TMC2: variants seen among roughly 807,000 people sequenced by gnomAD.
TMC2 encodes transmembrane channel like 2.
A neutral mutation model predicts 105.9 loss-of-function variants in TMC2; 102 were observed. The observed-to-expected ratio is 0.96, with a 90% confidence interval of 0.82 to 1.14. The LOEUF (loss-of-function observed/expected upper bound fraction) is 1.14. TMC2 is among the 50% of genes most tolerant of loss of function. The pLI, the probability that TMC2 is intolerant of heterozygous loss-of-function variation, is 0.00. For synonymous variants in TMC2, 402 were observed against 422.8 expected, an observed-to-expected ratio of 0.95 and a Z score of 0.60; for missense variants, 1,093 against 1,134.3, an observed-to-expected ratio of 0.96 and a Z score of 0.52.
intron 2 of TMC2, among the ~76,000 whole-genome samples, chr20:2,556,867 C>CT (rs2085988261): frequency 8.8e-6 from 1 of 113,472 alleles, no homozygotes; most frequent in African/African-American, 3.5e-5. Context: ...AGAATTCTGT[C>CT]CTTTTTTTTT....
At chr20:2,543,937 C>T (rs1159750851) in intron 2 of TMC2, among the ~76,000 whole-genome samples, 1 of 148,628 alleles carries the variant, frequency 6.7e-6, no homozygotes, top group Non-Finnish European at 1.5e-5. Context: ...GAGTCTCGCT[C>T]TGTCACCCAG....
At position 2,560,575 on chromosome 20, in the gene TMC2, C is replaced by T. The variant is rs183974232; in HGVS notation, c.402-1283C>T. On this transcript the variant is annotated intron_variant, in intron 3 of 19. Coordinates refer to ENST00000358864, the MANE Select transcript of TMC2 (RefSeq NM_080751.3). ...GTCAGAGGCCGGGCGTGGTGGCTCACGCCTGTAATCCCAGCACTTTGGGAG... is the reference window on the plus strand; with the variant it reads ...GTCAGAGGCCGGGCGTGGTGGCTCATGCCTGTAATCCCAGCACTTTGGGAG... Among the ~76,000 whole-genome samples the T allele has an allele frequency of 1.1e-3, 172 of 152,082 alleles. 1 individual carries two copies. Among genetic ancestry groups the T allele is most frequent in the Non-Finnish European group, 4.9e-4 (33 of 67,972 alleles).
chr20:2,580,628 G>C (rs1361240338), intron 7 of TMC2, among the ~76,000 whole-genome samples: 1 of 152,028 alleles, frequency 6.6e-6, no homozygotes, highest in Non-Finnish European at 1.5e-5. Flanking sequence ...TGTTGCCCAG[G>C]TTGGAGGGCA....
chr20:2,540,056 TCTCAG>T (rs201468674), intron 2 of TMC2, among the ~76,000 whole-genome samples: 2,518 of 148,852 alleles, frequency 0.017, 54 homozygotes, highest in African/African-American at 0.057. Context: ...AGTGATGTGA[TCTCAG>T]CTCACTGCAA....
At chr20:2,589,324 G>GTGTGTGTGTGTGTGTGTGTGTGTGTGT (rs71193978) in intron 7 of TMC2, among the ~76,000 whole-genome samples, 14 of 148,946 alleles carry the variant, frequency 9.4e-5, no homozygotes, top group East Asian at 2.0e-4. Flanking sequence ...GTGTGTGTGT[G>GTGTGTGTGTGTGTGTGTGTGTGTGTGT]GAGATGGGGT....
chr20:2,540,995 C>T (rs2085886466), intron 2 of TMC2, among the ~76,000 whole-genome samples: 1 of 152,104 alleles, frequency 6.6e-6, no homozygotes, highest in South Asian at 2.1e-4. Context: ...ACGCCTATGC[C>T]CCAGACTCCC....
intron 8 of TMC2, 30 bp from the exon 9 acceptor site, chr20:2,594,795 C>T: frequency 1.2e-6 from 2 of 1,610,672 alleles, no homozygotes; most frequent in South Asian, 1.1e-5. Flanking sequence ...AGCTTACCAA[C>T]CCAGAGCATT....
intron 9 of TMC2, among the ~76,000 whole-genome samples, 199 bp from the exon 10 acceptor site, chr20:2,596,952 A>T (rs1272668457): frequency 1.3e-5 from 2 of 151,418 alleles, no homozygotes; most frequent in Non-Finnish European, 2.9e-5. Flanking sequence ...CTTTCAGGGG[A>T]CTCTGAATTT....
chr20:2,536,772 G>C (rs974064853), intron 1 of TMC2, 117 bp downstream of exon 1: 1 of 1,159,686 alleles, frequency 8.6e-7, no homozygotes, highest in Admixed American at 2.0e-5. Flanking sequence ...TTTGAGTCCA[G>C]GGCCTGTCCC....
intron 2 of TMC2, among the ~76,000 whole-genome samples, chr20:2,548,672 G>T (rs2085939144): frequency 6.6e-6 from 1 of 151,580 alleles, no homozygotes; most frequent in Non-Finnish European, 1.5e-5. Context: ...AAAGAAATTA[G>T]TTAGGCATCT....
At chr20:2,574,753 T>G (rs1314043197) in intron 5 of TMC2, among the ~76,000 whole-genome samples, 2 of 152,170 alleles carry the variant, frequency 1.3e-5, no homozygotes, top group African/African-American at 4.8e-5. Flanking sequence ...TTTTTGTTTT[T>G]TTTTCTCTGT....
intron 2 of TMC2, among the ~76,000 whole-genome samples, chr20:2,544,196 A>G (rs1274143182): frequency 6.6e-6 from 1 of 151,830 alleles, no homozygotes; most frequent in East Asian, 1.9e-4. Flanking sequence ...GATTACAGGC[A>G]TGAGCCAACG....
At chr20:2,536,806 G>A (rs1193958912) in intron 1 of TMC2, 151 bp downstream of exon 1, 2 of 775,530 alleles carry the variant, frequency 2.6e-6, no homozygotes, top group South Asian at 3.1e-5. Context: ...GACCTCGGCT[G>A]GTTATTCAAC....
chr20:2,548,645 AAAAAAGAAAG>A (rs1016000019), intron 2 of TMC2, among the ~76,000 whole-genome samples: 5 of 152,048 alleles, frequency 3.3e-5, no homozygotes, highest in African/African-American at 4.8e-5. Context: ...TCTCAAAAAA[AAAAAAGAAAG>A]AAAAAGAAAG....
At chr20:2,611,827 T>TG (rs1397087897) in intron 12 of TMC2, among the ~76,000 whole-genome samples, 41 of 136,646 alleles carry the variant, frequency 3.0e-4, no homozygotes, top group African/African-American at 1.1e-3. Context: ...CTTAGATGGA[T>TG]GAATGGATGG....
chr20:2,637,580 T>C lies in TMC2; in HGVS notation c.2492T>C (p.Leu831Pro). 6.2e-7 allele frequency: 1 copy of C among 1,611,056 alleles called. No homozygotes were observed. The highest frequency in any genetic ancestry group is 8.5e-7 in the Non-Finnish European group (1 of 1,177,418). The part of the protein sequence containing the change: ...SSSKNATQLQ[L>P]TKEETTPPSA... ...TCCAAAAATGCCACCCAGCTCCAACTCACCAAGGAAGGTAAGCTCTTTGTC... is the reference window on the plus strand; with the variant it reads ...TCCAAAAATGCCACCCAGCTCCAACCCACCAAGGAAGGTAAGCTCTTTGTC... The change falls in exon 19 of 20, where the codon CTC becomes CCC. Residue 831 changes from leucine to proline, a missense_variant. Coordinates refer to ENST00000358864, the MANE Select transcript of TMC2 (RefSeq NM_080751.3).
intron 7 of TMC2, among the ~76,000 whole-genome samples, chr20:2,585,422 G>T (rs747059416): frequency 2.0e-5 from 3 of 151,642 alleles, no homozygotes; most frequent in Non-Finnish European, 4.4e-5. Flanking sequence ...CTATTGCTGG[G>T]TAACAAATTA....
chr20:2,613,026 T>C (rs1471153368), intron 13 of TMC2, among the ~76,000 whole-genome samples, 168 bp from the exon 14 acceptor site: 1 of 152,178 alleles, frequency 6.6e-6, no homozygotes, highest in Non-Finnish European at 1.5e-5. Flanking sequence ...AATTAAGCAT[T>C]TTCCAGAGCC....
At chr20:2,539,193 G>A (rs902671824) in intron 2 of TMC2, among the ~76,000 whole-genome samples, 2 of 152,216 alleles carry the variant, frequency 1.3e-5, no homozygotes, top group African/African-American at 4.8e-5. Flanking sequence ...TTCCTAGCAA[G>A]ACAGCTGCCT....
Sources: allele counts gnomAD v4.1 joint callset (sites outside exome capture counted in the v4.1 genomes callset), GRCh38; gene constraint gnomAD v4.1.1; transcripts MANE v1.5; gene names NCBI Gene and HGNC (gene_info 2026-07-23, HGNC 2026-07-21).